Variants in CAMTA1 observed in about 807,000 individuals in gnomAD.
CAMTA1 encodes the protein calmodulin binding transcription activator 1, also known as calmodulin-binding transcription activator 1.
A neutral mutation model predicts 170.9 loss-of-function variants in CAMTA1; 27 were observed. The ratio of observed to expected loss-of-function variants is 0.16; its 90% CI spans 0.12 to 0.22. The LOEUF is 0.22. Ranked by LOEUF, CAMTA1 falls within the 10% of genes least tolerant of loss-of-function variation. The pLI is 1.00. For missense variants in CAMTA1, 1,619 were observed against 2,217.2 expected (o/e 0.73, Z 5.42); for synonymous variants, 833 against 891.5 (o/e 0.93, Z 1.17).
intron 3 of CAMTA1, among the ~76,000 whole-genome samples, chr1:6,847,129 G>A (rs942721358): frequency 3.3e-5 from 5 of 151,254 alleles, no homozygotes; most frequent in African/African-American, 9.7e-5. Context: ...TCAGCCTACC[G>A]AGTAGCTGGG....
At chr1:7,295,796 A>G (rs1388538861) in intron 5 of CAMTA1, among the ~76,000 whole-genome samples, 1 of 152,180 alleles carries the variant, frequency 6.6e-6, no homozygotes, top group Non-Finnish European at 1.5e-5. Flanking sequence ...TGCCACAGAG[A>G]AAATAGAGCA....
At chr1:7,723,703 C>T (rs1354110746) in intron 11 of CAMTA1, among the ~76,000 whole-genome samples, 1 of 152,184 alleles carries the variant, frequency 6.6e-6, no homozygotes, top group African/African-American at 2.4e-5. Flanking sequence ...GGGTGCCTCA[C>T]CTCTGATACT....
chr1:7,011,524 A>G (rs1208716733), intron 3 of CAMTA1, among the ~76,000 whole-genome samples: 1 of 152,046 alleles, frequency 6.6e-6, no homozygotes. Flanking sequence ...CCCCCATGCC[A>G]TGAACATGGC....
chr1:7,192,906 T>C (rs1343073965), intron 4 of CAMTA1, among the ~76,000 whole-genome samples: 2 of 152,214 alleles, frequency 1.3e-5, no homozygotes, highest in Non-Finnish European at 2.9e-5. Flanking sequence ...TTCTAAGTCA[T>C]GCTGTGAAGG....
intron 5 of CAMTA1, among the ~76,000 whole-genome samples, chr1:7,262,678 T>G (rs910952707): frequency 2.0e-5 from 3 of 152,232 alleles, no homozygotes; most frequent in African/African-American, 7.2e-5. Flanking sequence ...ATTTCCCCTT[T>G]GCAGGAAACT....
chr1:7,291,621 G>A (rs1262284040), intron 5 of CAMTA1, among the ~76,000 whole-genome samples: 1 of 152,250 alleles, frequency 6.6e-6, no homozygotes, highest in African/African-American at 2.4e-5. Context: ...GACCTCAGGA[G>A]GCTGATATCA....
At chr1:7,027,390 C>T (rs148283700) in intron 3 of CAMTA1, among the ~76,000 whole-genome samples, 6 of 152,240 alleles carry the variant, frequency 3.9e-5, no homozygotes, top group South Asian at 2.1e-4. Flanking sequence ...GGGAGGCCCA[C>T]GAGACCTGGG....
At chr1:7,187,890 G>T (rs1653719996) in intron 4 of CAMTA1, among the ~76,000 whole-genome samples, 1 of 152,146 alleles carries the variant, frequency 6.6e-6, no homozygotes, top group Admixed American at 6.6e-5. Context: ...CATTGGGATG[G>T]GCCCTGTATT....
At chr1:6,995,078 C>G (rs1265399559) in intron 3 of CAMTA1, among the ~76,000 whole-genome samples, 2 of 151,986 alleles carry the variant, frequency 1.3e-5, no homozygotes, top group African/African-American at 4.8e-5. Context: ...TCTTCTGGGA[C>G]TTCAATTATA....
chr1:6,882,046 C>T (rs1219202514), intron 3 of CAMTA1, among the ~76,000 whole-genome samples: 1 of 152,170 alleles, frequency 6.6e-6, no homozygotes, highest in African/African-American at 2.4e-5. Flanking sequence ...GCCAGCAGAC[C>T]ACAGCCCATG....
At chr1:7,708,830 C>T (rs1421268696) in intron 11 of CAMTA1, among the ~76,000 whole-genome samples, 1 of 152,140 alleles carries the variant, frequency 6.6e-6, no homozygotes, top group Non-Finnish European at 1.5e-5. Context: ...AAGTGCTGAT[C>T]ATAAAGCTAC....
intron 3 of CAMTA1, among the ~76,000 whole-genome samples, chr1:6,844,929 G>A (rs1307687274): frequency 1.3e-5 from 2 of 152,134 alleles, no homozygotes; most frequent in African/African-American, 4.8e-5. Flanking sequence ...CAGGGAAGCA[G>A]AACCACTGTA....
chr1:6,819,428 T>G (rs1157599255), intron 1 of CAMTA1, among the ~76,000 whole-genome samples: 1 of 152,208 alleles, frequency 6.6e-6, no homozygotes, highest in African/African-American at 2.4e-5. Context: ...CTTGATTTAC[T>G]TGCCATGCCA....
intron 6 of CAMTA1, among the ~76,000 whole-genome samples, chr1:7,569,800 A>G (rs561950418): frequency 6.6e-6 from 1 of 151,978 alleles, no homozygotes. Context: ...CACCATCATC[A>G]CCGCCACCAT....
intron 11 of CAMTA1, among the ~76,000 whole-genome samples, chr1:7,709,371 A>G (rs2096551979): frequency 6.6e-6 from 1 of 152,232 alleles, no homozygotes; most frequent in African/African-American, 2.4e-5. Flanking sequence ...TGTTTCTTCA[A>G]GCCCAAGACA....
chr1:7,557,152 C>CA (rs1464766162), intron 6 of CAMTA1, among the ~76,000 whole-genome samples: 11 of 151,968 alleles, frequency 7.2e-5, no homozygotes, highest in African/African-American at 2.2e-4. Flanking sequence ...TACTAAAATA[C>CA]AAAAAATTAG....
intron 4 of CAMTA1, among the ~76,000 whole-genome samples, chr1:7,126,885 C>T (rs1644964041): frequency 6.6e-6 from 1 of 152,190 alleles, no homozygotes; most frequent in African/African-American, 2.4e-5. Context: ...ATTCTCCTGC[C>T]TCAGCCTCCC....
At chr1:7,458,427 C>T (rs2093010747) in intron 5 of CAMTA1, among the ~76,000 whole-genome samples, 1 of 152,192 alleles carries the variant, frequency 6.6e-6, no homozygotes, top group Non-Finnish European at 1.5e-5. Flanking sequence ...AAGGGCTACC[C>T]TTCCTCATCC....
chr1:6,885,481 C>T (rs916445112), intron 3 of CAMTA1, among the ~76,000 whole-genome samples: 1 of 152,168 alleles, frequency 6.6e-6, no homozygotes, highest in African/African-American at 2.4e-5. Flanking sequence ...TTCATTCATT[C>T]CTTCAGAAAT....
Sources: allele counts gnomAD v4.1 joint callset (sites outside exome capture counted in the v4.1 genomes callset), GRCh38; gene constraint gnomAD v4.1.1; transcripts MANE v1.5; gene names NCBI Gene and HGNC (gene_info 2026-07-23, HGNC 2026-07-21).